The following EXOC6B variants were observed in gnomAD, a reference collection of about 807,000 sequenced individuals.
EXOC6B encodes exocyst complex component 6B.
Under a neutral mutation model 113.5 loss-of-function variants are expected in EXOC6B, and 54 were observed. That is an observed-to-expected ratio of 0.48 (90% CI 0.38 to 0.60). EXOC6B has a LOEUF of 0.60. EXOC6B is among the 20% of genes least tolerant of loss of function. The pLI, the probability that EXOC6B is intolerant of heterozygous loss-of-function variation, is 0.00. For missense variants in EXOC6B, 797 were observed against 977.5 expected (o/e 0.82, Z 2.46); for synonymous variants, 357 against 339.0 (o/e 1.05, Z -0.58).
At chr2:72,429,442 A>T (rs1052064538) in intron 18 of EXOC6B, among the ~76,000 whole-genome samples, 3 of 152,120 alleles carry the variant, frequency 2.0e-5, no homozygotes, top group Non-Finnish European at 4.4e-5. Flanking sequence ...GATTTGATAT[A>T]TACATACATC....
intron 20 of EXOC6B, among the ~76,000 whole-genome samples, chr2:72,221,960 T>A (rs1680892232): frequency 6.6e-6 from 1 of 152,056 alleles, no homozygotes. Context: ...ATTAACAGCA[T>A]CAAGATGAGG....
At chr2:72,809,626 T>A (rs1367143182) in intron 1 of EXOC6B, among the ~76,000 whole-genome samples, 1 of 151,436 alleles carries the variant, frequency 6.6e-6, no homozygotes, top group African/African-American at 2.4e-5. Flanking sequence ...ATAAACAAAG[T>A]TTCGGTTTTT....
intron 5 of EXOC6B, among the ~76,000 whole-genome samples, chr2:72,729,885 C>T (rs1680530954): frequency 6.6e-6 from 1 of 152,136 alleles, no homozygotes; most frequent in African/African-American, 2.4e-5. Flanking sequence ...GATTCAGCTT[C>T]ACAATTCTTG....
chr2:72,422,170 G>A (rs547461857), intron 18 of EXOC6B, among the ~76,000 whole-genome samples: 1 of 152,328 alleles, frequency 6.6e-6, no homozygotes, highest in Non-Finnish European at 1.5e-5. Flanking sequence ...CCTGCTCCAG[G>A]GTGCCCAGTC....
At chr2:72,638,756 G>A (rs1451806309) in intron 6 of EXOC6B, among the ~76,000 whole-genome samples, 1 of 152,208 alleles carries the variant, frequency 6.6e-6, no homozygotes, top group African/African-American at 2.4e-5. Flanking sequence ...AGCCTAGAGG[G>A]TTTGGTGCAA....
At position 72,378,278 on chromosome 2, in the gene EXOC6B, CT is replaced by C. The variant is rs564087897; in HGVS notation, c.2122+1450del. 2.9e-3 allele frequency among the ~76,000 whole-genome samples: 444 copies of C among 152,310 alleles called. 1 individual carries two copies. Among genetic ancestry groups the C allele is most frequent in the Non-Finnish European group, 4.6e-3 (312 of 68,024 alleles). On this transcript the variant is annotated intron_variant, in intron 19 of 21. Coordinates refer to ENST00000272427, the MANE Select transcript of EXOC6B (RefSeq NM_015189.3). ...CTACTTCTTTGAACAACTCCTTGCT[CT>C]CTGGTACCTTGCTCCACCAATCCCA...
At chr2:72,248,593 A>C (rs574763583) in intron 20 of EXOC6B, among the ~76,000 whole-genome samples, 9 of 152,138 alleles carry the variant, frequency 5.9e-5, no homozygotes, top group Non-Finnish European at 1.3e-4. Flanking sequence ...GTTCATCTTC[A>C]CCTATAATTA....
intron 18 of EXOC6B, among the ~76,000 whole-genome samples, chr2:72,446,308 G>A (rs1489680040): frequency 6.6e-6 from 1 of 151,948 alleles, no homozygotes; most frequent in Non-Finnish European, 1.5e-5. Context: ...GAACCCAGGA[G>A]GTGGAGGCCG....
At chr2:72,554,254 A>G (rs1306436642) in intron 8 of EXOC6B, among the ~76,000 whole-genome samples, 1 of 152,214 alleles carries the variant, frequency 6.6e-6, no homozygotes, top group Non-Finnish European at 1.5e-5. Flanking sequence ...TTTCCACTCA[A>G]TGCAAAACCA....
intron 6 of EXOC6B, among the ~76,000 whole-genome samples, chr2:72,587,650 G>A (rs115471185): frequency 2.1e-4 from 32 of 152,192 alleles, no homozygotes; most frequent in Non-Finnish European, 4.4e-4. Flanking sequence ...TAAAATAATT[G>A]TGTTGGTTTT....
chr2:72,548,565 T>C (rs1353710802), intron 8 of EXOC6B, among the ~76,000 whole-genome samples: 1 of 152,180 alleles, frequency 6.6e-6, no homozygotes, highest in Non-Finnish European at 1.5e-5. Flanking sequence ...TTCCCTCATA[T>C]AGGTCCCAGC....
chr2:72,551,922 G>T (rs1703255853), intron 8 of EXOC6B, among the ~76,000 whole-genome samples: 1 of 152,130 alleles, frequency 6.6e-6, no homozygotes. Flanking sequence ...AAAGCATAAG[G>T]CATTAACTTT....
chr2:72,631,451 T>G (rs867628573), intron 6 of EXOC6B, among the ~76,000 whole-genome samples: 7 of 45,992 alleles, frequency 1.5e-4, no homozygotes, highest in Admixed American at 2.3e-4. Flanking sequence ...TATATATATA[T>G]ATATATATAT....
intron 8 of EXOC6B, among the ~76,000 whole-genome samples, chr2:72,538,807 T>C (rs930520970): frequency 1.1e-4 from 17 of 152,136 alleles, no homozygotes; most frequent in African/African-American, 4.1e-4. Flanking sequence ...AACATATATA[T>C]AAATAGACAA....
At chr2:72,398,937 A>C (rs1270716367) in intron 18 of EXOC6B, among the ~76,000 whole-genome samples, 1 of 151,990 alleles carries the variant, frequency 6.6e-6, no homozygotes, top group African/African-American at 2.4e-5. Flanking sequence ...AATAAAAAGA[A>C]AATAGTAAAT....
At chr2:72,281,301 T>C (rs1685113438) in intron 20 of EXOC6B, among the ~76,000 whole-genome samples, 1 of 152,182 alleles carries the variant, frequency 6.6e-6, no homozygotes, top group Admixed American at 6.6e-5. Flanking sequence ...ACTACAATTT[T>C]TCATGTCTAA....
At chr2:72,419,804 T>C (rs1694760440) in intron 18 of EXOC6B, among the ~76,000 whole-genome samples, 1 of 152,184 alleles carries the variant, frequency 6.6e-6, no homozygotes, top group African/African-American at 2.4e-5. Context: ...AATTTTGAGT[T>C]TTTTGAGTTT....
At position 72,534,819 on chromosome 2, in the gene EXOC6B, T is replaced by G. The variant is rs149143049; in HGVS notation, c.916-19693A>C. Among the ~76,000 whole-genome samples, 227 of 152,318 alleles carry G rather than the reference T, an allele frequency of 1.5e-3. 1 individual carries two copies. Among genetic ancestry groups the G allele is most frequent in the African/African-American group, 5.3e-3 (222 of 41,582 alleles). On this transcript the variant is annotated intron_variant, in intron 8 of 21. Coordinates refer to ENST00000272427, the MANE Select transcript of EXOC6B (RefSeq NM_015189.3). The stretch of plus-strand genomic sequence containing the variant: ...TTTTCTGATATTATCTCATGTTATT[T>G]CTACTATACTATTCTTTTCTATGCA...
chr2:72,518,792 C>T (rs987339750), intron 8 of EXOC6B, among the ~76,000 whole-genome samples: 2 of 151,748 alleles, frequency 1.3e-5, no homozygotes, highest in African/African-American at 2.4e-5. Context: ...TGTACTGTAG[C>T]GACCATAAGA....
Sources: gnomAD v4.1 joint callset for allele counts (sites outside exome capture counted in the v4.1 genomes callset) on GRCh38, gnomAD v4.1.1 for gene constraint, MANE v1.5 for transcripts, NCBI Gene and HGNC (gene_info 2026-07-23, HGNC 2026-07-21) for gene names.